Variants in NANOS3 observed in about 807,000 individuals in gnomAD.
The protein encoded by NANOS3 is nanos C2HC-type zinc finger 3.
NANOS3 carries 11 observed loss-of-function variants against 13.8 expected under a neutral mutation model. That is an observed-to-expected ratio of 0.80 (90% CI 0.50 to 1.32). The LOEUF (loss-of-function observed/expected upper bound fraction) is 1.32, where lower values mean the gene tolerates loss of function less well. Ranked by LOEUF, NANOS3 falls within the 40% of genes most tolerant of loss-of-function variation. NANOS3 has a pLI of 0.00. For synonymous variants in NANOS3, 119 were observed against 115.4 expected, an observed-to-expected ratio of 1.03 and a Z score of -0.20; for missense variants, 221 against 263.8, an observed-to-expected ratio of 0.84 and a Z score of 1.12.
At position 13,877,247 on chromosome 19, in the gene NANOS3, C is replaced by G; in HGVS notation, c.-2C>G. 6.2e-7 allele frequency: 1 copy of G among 1,602,782 alleles called. No individual in the cohort carries two copies. On this transcript the variant is annotated 5_prime_UTR_variant, in exon 1 of 2. Transcript: ENST00000339133. ...CTTCCGCCTGGCACATGCTGCCCAG[C>G]TATGGGGACCTTTGACCTGTGGACA...
At chr19:13,867,081 C>T (rs1976253031) in intron 1 of NANOS3, among the ~76,000 whole-genome samples, 1 of 152,136 alleles carries the variant, frequency 6.6e-6, no homozygotes, top group Non-Finnish European at 1.5e-5. Context: ...GCTGGGATTA[C>T]AGGCGCGTGC....
At chr19:13,870,564 T>C (rs1976311759) in intron 1 of NANOS3, among the ~76,000 whole-genome samples, 1 of 129,312 alleles carries the variant, frequency 7.7e-6, no homozygotes, top group South Asian at 2.6e-4. Context: ...GCGTGGCTTT[T>C]TTTTTTTTTT....
At chr19:13,862,719 A>C (rs962716963), upstream of NANOS3, among the ~76,000 whole-genome samples, 1 of 151,810 alleles carries the variant, frequency 6.6e-6, no homozygotes, top group Non-Finnish European at 1.5e-5. Context: ...TTGTGTTTTT[A>C]GTAGAGAAGA....
chr19:13,865,500 G>C (rs1321145212), intron 1 of NANOS3: 3 of 144,302 alleles, frequency 2.1e-5, no homozygotes, highest in Non-Finnish European at 3.1e-5. Flanking sequence ...GCGGGCAGGG[G>C]GCGCGGCGGG....
chr19:13,872,918 G>T (rs1278396071), upstream of NANOS3, among the ~76,000 whole-genome samples: 1 of 152,158 alleles, frequency 6.6e-6, no homozygotes, highest in African/African-American at 2.4e-5. Context: ...AGGCGGGAGG[G>T]GGGCTTCGGG....
chr19:13,871,864 G>A (rs1319648386), intron 1 of NANOS3, among the ~76,000 whole-genome samples: 1 of 151,772 alleles, frequency 6.6e-6, no homozygotes, highest in African/African-American at 2.4e-5. Context: ...AAGTTAGCCA[G>A]GCCAGGCACC....
upstream of NANOS3, among the ~76,000 whole-genome samples, chr19:13,863,620 A>G (rs1976189196): frequency 6.6e-6 from 1 of 152,026 alleles, no homozygotes; most frequent in Admixed American, 6.6e-5. Flanking sequence ...CCATGGAGGT[A>G]TGATTACTAG....
chr19:13,863,138 T>A (rs1976181821), upstream of NANOS3, among the ~76,000 whole-genome samples: 1 of 152,188 alleles, frequency 6.6e-6, no homozygotes, highest in South Asian at 2.1e-4. Flanking sequence ...TAAATGTGAA[T>A]GTTGCATATT....
At chr19:13,864,603 T>C (rs931943123), upstream of NANOS3, among the ~76,000 whole-genome samples, 1 of 152,118 alleles carries the variant, frequency 6.6e-6, no homozygotes. Context: ...CCTGTGGCTG[T>C]GTACCTGGGG....
Position 13,880,474 on chromosome 19 carries a change from C to T in NANOS3, c.550C>T (p.Pro184Ser), listed in dbSNP as rs764534182. The T allele has an allele frequency of 2.6e-5, 42 of 1,613,874 alleles. No homozygotes were observed. The highest frequency in any genetic ancestry group is 2.3e-4 in the Admixed American group (14 of 59,982). ...AGGTGCCGGGAAGTCTGAGCCTTCG[C>T]CCTCCTGCTCTCCCTCCATGTCCAC... is the stretch of plus-strand genomic sequence containing the variant. Reference protein sequence around the residue: ...FRGAGKSEPSPSCSPSMST With the variant: ...FRGAGKSEPSSSCSPSMST The change falls in exon 2 of 2, where the codon CCC (proline) becomes TCC (serine). Residue 184 changes from proline (P) to serine (S), a missense_variant. By Grantham distance (74) the Pro-to-Ser change is moderately conservative. Around this residue, in one of 3 missense-constraint regions of NANOS3, gnomAD observed 60 missense variants for 56.5 expected, o/e 1.06. Transcript: ENST00000339133.
At chr19:13,865,046 C>T (rs1187758795), upstream of NANOS3, among the ~76,000 whole-genome samples, 2 of 152,028 alleles carry the variant, frequency 1.3e-5, no homozygotes, top group African/African-American at 2.4e-5. Flanking sequence ...TCCCTGATTC[C>T]CCCGCGCGGG....
chr19:13,866,008 C>G (rs888932251), intron 1 of NANOS3, among the ~76,000 whole-genome samples: 1 of 152,004 alleles, frequency 6.6e-6, no homozygotes, highest in South Asian at 2.1e-4. Flanking sequence ...GCGGGGGCCC[C>G]GCTCAGGCCT....
At chr19:13,870,556 G>A (rs541800498) in intron 1 of NANOS3, among the ~76,000 whole-genome samples, 59 of 145,976 alleles carry the variant, frequency 4.0e-4, no homozygotes, top group Admixed American at 6.2e-4. Flanking sequence ...CTGGGATAGC[G>A]TGGCTTTTTT....
upstream of NANOS3, among the ~76,000 whole-genome samples, chr19:13,864,911 G>C (rs1322094024): frequency 1.3e-5 from 2 of 152,002 alleles, no homozygotes; most frequent in African/African-American, 4.8e-5. Flanking sequence ...TGTGTGTCTC[G>C]CAGCCCCCTG....
upstream of NANOS3, among the ~76,000 whole-genome samples, chr19:13,873,123 G>C (rs1968429367): frequency 6.6e-6 from 1 of 152,064 alleles, no homozygotes; most frequent in Non-Finnish European, 1.5e-5. Context: ...TTGAGGACTG[G>C]CTTAGGGGTT....
rs1264618250 is a variant in NANOS3 at position 13,877,543 on chromosome 19, G to T, written c.295G>T (p.Ala99Ser). Residue 99 changes from alanine to serine, a missense_variant, in exon 1 of 2, where the codon GCT becomes TCT. Transcript: ENST00000339133. ...IYQSHVLKDE[A>S]GRVLCPILRD... ...CCAGTCCCACGTGCTGAAGGACGAG[G>T]CTGGCAGGGTGCTGTGTCCCATCCT... The T allele has an allele frequency of 5.6e-6, 9 of 1,612,244 alleles. No homozygotes were observed. Among genetic ancestry groups the T allele is most frequent in the Non-Finnish European group, 7.6e-6 (9 of 1,180,006 alleles).
intron 1 of NANOS3, among the ~76,000 whole-genome samples, chr19:13,871,782 C>T (rs983628304): frequency 1.3e-5 from 2 of 149,094 alleles, no homozygotes; most frequent in African/African-American, 2.5e-5. Flanking sequence ...CCCAGGAGTT[C>T]GCGACCAGCC....
chr19:13,877,616 A>G lies in NANOS3; in HGVS notation c.368A>G (p.His123Arg). The change falls in exon 1 of 2, where the codon CAC (histidine) becomes CGC (arginine). Residue 123 changes from histidine to arginine, a missense_variant. His to Arg is a conservative substitution (Grantham distance 29, BLOSUM62 0). Coordinates refer to ENST00000339133, the MANE Select transcript of NANOS3 (RefSeq NM_001098622.3). ...PQCGATRERA[H>R]TRRFCPLTGQ... The stretch of plus-strand genomic sequence containing the variant: ...TGCGGCGCCACACGTGAGCGCGCCC[A>G]CACCCGACGCTTCTGCCCACTTACT... The G allele has an allele frequency of 6.2e-7, 1 of 1,612,090 alleles. No individual in the cohort carries two copies. The highest frequency in any genetic ancestry group is 8.5e-7 in the Non-Finnish European group (1 of 1,179,956).
chr19:13,864,823 C>T (rs1410756109), upstream of NANOS3, among the ~76,000 whole-genome samples: 1 of 152,132 alleles, frequency 6.6e-6, no homozygotes, highest in Admixed American at 6.5e-5. Flanking sequence ...CCGGGTGTCC[C>T]TCTGTGTGTA....
Sources: allele counts gnomAD v4.1 joint callset (sites outside exome capture counted in the v4.1 genomes callset), GRCh38; gene constraint gnomAD v4.1.1; regional missense constraint gnomAD v4.1.1; transcripts MANE v1.5; gene names NCBI Gene and HGNC (gene_info 2026-07-23, HGNC 2026-07-21).